The following USP34 variants were observed in gnomAD, a reference collection of about 807,000 sequenced individuals.
USP34 encodes the protein ubiquitin specific peptidase 34.
In USP34, 70 loss-of-function variants were observed where a neutral mutation model predicts 460.3. The observed-to-expected ratio is 0.15, with a 90% CI of 0.13 to 0.19. The LOEUF is 0.19. Ranked by LOEUF, USP34 falls within the 10% of genes least tolerant of loss-of-function variation. The pLI, the probability that USP34 is intolerant of heterozygous loss-of-function variation, is 1.00. For missense variants in USP34, 3,985 were observed against 4,236.2 expected (o/e 0.94, Z 1.65); for synonymous variants, 1,647 against 1,405.3 (o/e 1.17, Z -3.85).
At chr2:61,315,522 C>T (rs1006104225) in intron 23 of USP34, among the ~76,000 whole-genome samples, 2 of 151,974 alleles carry the variant, frequency 1.3e-5, no homozygotes, top group African/African-American at 2.4e-5. Context: ...TACAGGCATG[C>T]GCCACAACAT....
chr2:61,333,070 G>A (rs896037440), intron 19 of USP34, among the ~76,000 whole-genome samples: 3 of 151,902 alleles, frequency 2.0e-5, no homozygotes, highest in African/African-American at 4.8e-5. Flanking sequence ...AAATGTCTCC[G>A]AAATCTCTCC....
intron 6 of USP34, among the ~76,000 whole-genome samples, chr2:61,381,170 C>G (rs1692959485): frequency 6.7e-6 from 1 of 150,148 alleles, no homozygotes; most frequent in Non-Finnish European, 1.5e-5. Flanking sequence ...CCTGCCAAAT[C>G]CCCCTCTGCA....
rs67471702 is a variant in USP34 at position 61,242,458 on chromosome 2, T to TACACACACACAC, written c.6628-651_6628-640dup. On this transcript the variant is annotated intron_variant, in intron 51 of 79. Coordinates refer to ENST00000398571, the MANE Select transcript of USP34 (RefSeq NM_014709.4). The stretch of plus-strand genomic sequence containing the variant: ...GTAAGAGTCAACCAAAGATAATACA[T>TACACACACACAC]ACACACACACACACACACACACACA... Among the ~76,000 whole-genome samples, 380 of 129,754 alleles carry TACACACACACAC rather than the reference T, an allele frequency of 2.9e-3. 8 individuals carry two copies. Among genetic ancestry groups the TACACACACACAC allele is most frequent in the East Asian group, 7.7e-3 (33 of 4,290 alleles). The allele number at this position is 129,754 out of a possible 152,430, so 85.1% of individuals were successfully genotyped here.
chr2:61,393,899 AGGCCAAG>A (rs1693432874), intron 5 of USP34, among the ~76,000 whole-genome samples: 1 of 152,068 alleles, frequency 6.6e-6, no homozygotes, highest in Admixed American at 6.6e-5. Context: ...GCACTTTGGG[AGGCCAAG>A]GTGGGTGGAT....
chr2:61,228,904 C>A lies in USP34; in HGVS notation c.7291G>T (p.Gly2431Cys). ...VRTLLLIMEH[G>C]VKPHSKHLTE... ...AGATGTTTACTGTGAGGTTTTACACCATGTTCCATAATTAATAACAGGGTT... is the reference window on the plus strand; with the variant it reads ...AGATGTTTACTGTGAGGTTTTACACAATGTTCCATAATTAATAACAGGGTT... The change falls in exon 60 of 80, where the codon GGT becomes TGT. Residue 2431 changes from glycine to cysteine, a missense_variant. By Grantham distance (159) the Gly-to-Cys change is radical. Around this residue, in one of 14 missense-constraint regions of USP34, gnomAD observed 604 missense variants for 684.8 expected, o/e 0.88. Coordinates refer to ENST00000398571, the MANE Select transcript of USP34 (RefSeq NM_014709.4). The A allele has an allele frequency of 6.2e-7, 1 of 1,609,914 alleles. No homozygotes were observed. The highest frequency in any genetic ancestry group is 8.5e-7 in the Non-Finnish European group (1 of 1,178,308).
At chr2:61,356,716 G>A (rs1261381105) in intron 10 of USP34, among the ~76,000 whole-genome samples, 1 of 152,148 alleles carries the variant, frequency 6.6e-6, no homozygotes, top group African/African-American at 2.4e-5. Context: ...GTTGATGAGA[G>A]GGGAAAATGA....
Position 61,188,030 on chromosome 2 carries a change from T to G in USP34, c.*72A>C. ...GGACAAACTGAAGCACAAAAACAAA[T>G]AAGCAAAACTTATACAAACAGCATG... is the stretch of plus-strand genomic sequence containing the variant. On this transcript the variant is annotated 3_prime_UTR_variant, in exon 80 of 80. Transcript: ENST00000398571. 1 of 1,529,520 alleles carries G rather than the reference T, an allele frequency of 6.5e-7. No homozygotes were observed. The highest frequency in any genetic ancestry group is 8.8e-7 in the Non-Finnish European group (1 of 1,141,994). 94.7% of individuals were successfully genotyped at this position (1,529,520 alleles called of 1,614,324 possible). A position where few individuals can be genotyped will look rare whatever the true frequency, so the allele number is the denominator to read the frequency against.
At chr2:61,265,371 G>C (rs1408301118) in intron 43 of USP34, 26 bp downstream of exon 43, 1 of 1,580,970 alleles carries the variant, frequency 6.3e-7, no homozygotes, top group South Asian at 1.2e-5. Context: ...TTATAATTTT[G>C]ATTTTTAAAG....
intron 50 of USP34, 64 bp from the exon 51 acceptor site, chr2:61,245,352 C>A: frequency 1.0e-6 from 1 of 961,226 alleles, no homozygotes; most frequent in Non-Finnish European, 1.5e-6. Context: ...ATTATGTCTA[C>A]TATTTTTTGA....
chr2:61,406,300 A>G (rs189165983), intron 2 of USP34, among the ~76,000 whole-genome samples, 172 bp from the exon 3 acceptor site: 1 of 151,998 alleles, frequency 6.6e-6, no homozygotes, highest in African/African-American at 2.4e-5. Flanking sequence ...ACAACAACTG[A>G]TATTTTAGTT....
chr2:61,232,694 A>G (rs1687942164), intron 57 of USP34, among the ~76,000 whole-genome samples, 162 bp from the exon 58 acceptor site: 1 of 152,174 alleles, frequency 6.6e-6, no homozygotes, highest in South Asian at 2.1e-4. Flanking sequence ...CTAAAATCAT[A>G]ATAAGGGTTA....
intron 3 of USP34, among the ~76,000 whole-genome samples, chr2:61,395,583 G>C (rs1451330030): frequency 1.4e-5 from 2 of 147,360 alleles, no homozygotes; most frequent in East Asian, 3.9e-4. Flanking sequence ...CGGATCACGA[G>C]GTCAGGAGAT....
Position 61,295,177 on chromosome 2 carries a change from C to A in USP34, c.4368G>T (p.Arg1456Ser). Reference protein sequence around the residue: ...ALGKPNRRIRRESTGSYSDLY... With the variant: ...ALGKPNRRIRSESTGSYSDLY... ...ATGGAAATGCAATTACCGTAGACTC[C>A]CTCCTTATTCTTCTATTAGGTTTTC... Residue 1456 changes from arginine to serine, a missense_variant, in exon 31 of 80, where the codon AGG becomes AGT. Physicochemically the swap from Arg to Ser is moderately radical, Grantham distance 110 (BLOSUM62 -1). Around this residue, in one of 14 missense-constraint regions of USP34, gnomAD observed 1,114 missense variants for 1,122.5 expected, o/e 0.99. Transcript: ENST00000398571. The A allele has an allele frequency of 6.2e-7, 1 of 1,609,502 alleles. No homozygotes were observed. The highest frequency in any genetic ancestry group is 8.5e-7 in the Non-Finnish European group (1 of 1,178,658).
intron 10 of USP34, among the ~76,000 whole-genome samples, chr2:61,356,743 A>G (rs746835811): frequency 3.3e-5 from 5 of 152,200 alleles, no homozygotes; most frequent in Admixed American, 6.5e-5. Context: ...TTGTTGTTCA[A>G]TGGGTACAGA....
chr2:61,404,252 G>C (rs528181342), intron 3 of USP34, among the ~76,000 whole-genome samples: 1 of 152,138 alleles, frequency 6.6e-6, no homozygotes, highest in East Asian at 1.9e-4. Flanking sequence ...AAATAAGCTA[G>C]AGAAAAGAGA....
chr2:61,225,921 C>G (rs1028809644), intron 62 of USP34, among the ~76,000 whole-genome samples: 2 of 152,158 alleles, frequency 1.3e-5, no homozygotes, highest in Admixed American at 6.5e-5. Context: ...CTTAAGAACA[C>G]TAGAGAGCAC....
chr2:61,385,741 C>A (rs959035475), intron 5 of USP34, among the ~76,000 whole-genome samples: 2 of 147,960 alleles, frequency 1.4e-5, no homozygotes, highest in Admixed American at 6.8e-5. Flanking sequence ...GGCCTGTAAT[C>A]CTAGCACTTC....
chr2:61,267,542 G>A (rs576568981), intron 41 of USP34, among the ~76,000 whole-genome samples: 2 of 151,170 alleles, frequency 1.3e-5, no homozygotes, highest in Non-Finnish European at 2.9e-5. Flanking sequence ...GCCCAGGTTC[G>A]AGCGATTCTC....
chr2:61,231,089 C>G (rs1687882248), intron 58 of USP34, among the ~76,000 whole-genome samples: 1 of 152,138 alleles, frequency 6.6e-6, no homozygotes, highest in Admixed American at 6.5e-5. Flanking sequence ...TGGATACATG[C>G]TGTGACATGA....
Sources: gnomAD v4.1 joint callset for allele counts (sites outside exome capture counted in the v4.1 genomes callset) on GRCh38, gnomAD v4.1.1 for gene constraint, gnomAD v4.1.1 regional missense constraint, MANE v1.5 for transcripts, NCBI Gene and HGNC (gene_info 2026-07-23, HGNC 2026-07-21) for gene names.